The following CIT variants were observed in gnomAD, a reference collection of about 807,000 sequenced individuals.
The protein encoded by CIT is citron rho-interacting serine/threonine kinase.
Under a neutral mutation model 272.7 loss-of-function variants are expected in CIT, and 79 were observed. The observed-to-expected ratio is 0.29, with a 90% confidence interval of 0.24 to 0.35. The LOEUF (loss-of-function observed/expected upper bound fraction) is 0.35, where lower values mean the gene tolerates loss of function less well. Ranked by LOEUF, CIT falls within the 10% of genes least tolerant of loss-of-function variation. CIT has a pLI of 1.00. For missense variants in CIT, 1,909 were observed against 2,618.3 expected (o/e 0.73, Z 5.91); for synonymous variants, 948 against 995.6 (o/e 0.95, Z 0.90).
chr12:119,736,213 A>T lies in CIT; in HGVS notation c.2959-856T>A, dbSNP rs377674290. Among the ~76,000 whole-genome samples the T allele has an allele frequency of 1.8e-4, 27 of 152,302 alleles. No homozygotes were observed. In the South Asian group the frequency reaches 5.4e-3, roughly 30 times the overall value. On this transcript the variant is annotated intron_variant, in intron 24 of 47. Coordinates refer to ENST00000392521, the MANE Select transcript of CIT (RefSeq NM_001206999.2). ...TCTAATAATAGTTGGACTGAGGCAC[A>T]CAGGCAGTAAATTAAATTTTACGTA...
At position 119,686,036 on chromosome 12, in the gene CIT, T is replaced by C. The variant is rs560793850; in HGVS notation, c.*2196A>G. On this transcript the variant is annotated 3_prime_UTR_variant, in exon 48 of 48. Transcript: ENST00000392521. ...TCACACGGAGCTCCCCACCCTCCAG[T>C]GAAGATGGCTGTCCACAACTACCAC... 40 of 152,634 alleles carry C rather than the reference T, an allele frequency of 2.6e-4. No homozygotes were observed. The highest frequency in any genetic ancestry group is 9.4e-4 in the African/African-American group (39 of 41,530). The allele number at this position is 152,634 out of a possible 1,614,324, so 9.5% of individuals were successfully genotyped here.
intron 24 of CIT, among the ~76,000 whole-genome samples, chr12:119,739,237 A>C (rs776518548): frequency 1.8e-4 from 28 of 152,156 alleles, no homozygotes; most frequent in Non-Finnish European, 3.8e-4. Context: ...TTGCCCACCA[A>C]CTCCCCTCTA....
At chr12:119,861,301 G>C (rs1950329355) in intron 3 of CIT, among the ~76,000 whole-genome samples, 1 of 151,068 alleles carries the variant, frequency 6.6e-6, no homozygotes, top group South Asian at 2.1e-4. Context: ...AATGCAGTCA[G>C]AGGGCCAGGC....
At chr12:119,874,921 C>A (rs565717726) in intron 2 of CIT, among the ~76,000 whole-genome samples, 2 of 151,810 alleles carry the variant, frequency 1.3e-5, no homozygotes, top group East Asian at 3.9e-4. Flanking sequence ...AAATAAACAT[C>A]CCTGCAATGA....
chr12:119,735,064 G>A (rs1381153513), intron 25 of CIT, 96 bp downstream of exon 25: 23 of 1,112,914 alleles, frequency 2.1e-5, no homozygotes, highest in Non-Finnish European at 2.9e-5. Context: ...ACTGTATGAG[G>A]TTCAGTGTTG....
At chr12:119,827,544 T>C (rs1968272511) in intron 7 of CIT, among the ~76,000 whole-genome samples, 1 of 152,000 alleles carries the variant, frequency 6.6e-6, no homozygotes, top group African/African-American at 2.4e-5. Flanking sequence ...TTCAAGCAAT[T>C]CTCTTGCCTC....
chr12:119,812,026 A>T (rs2137952971), intron 9 of CIT, among the ~76,000 whole-genome samples: 1 of 150,356 alleles, frequency 6.7e-6, no homozygotes, highest in South Asian at 2.1e-4. Context: ...GCTCACTGCA[A>T]CCTCCACCTC....
intron 3 of CIT, among the ~76,000 whole-genome samples, chr12:119,867,554 TG>T: frequency 6.6e-6 from 1 of 152,192 alleles, no homozygotes; most frequent in South Asian, 2.1e-4. Flanking sequence ...TTGTACAAGG[TG>T]GGGTTTCTCA....
Position 119,850,263 on chromosome 12 carries a change from C to A in CIT, c.427G>T (p.Glu143Ter), listed in dbSNP as rs754380506. The A allele has an allele frequency of 1.9e-5, 31 of 1,606,814 alleles. No individual in the cohort carries two copies. The highest frequency in any genetic ancestry group is 2.3e-5 in the Non-Finnish European group (27 of 1,176,282). Residue 143 changes from glutamate to a stop codon, truncating the protein, a stop_gained, in exon 5 of 48, where the codon GAG (glutamate) becomes TAG (stop). Coordinates refer to ENST00000392521, the MANE Select transcript of CIT (RefSeq NM_001206999.2). LOFTEE classifies it high-confidence loss of function. The stretch of plus-strand genomic sequence containing the variant: ...CGAGATAATATGTTCCGCTCTTCCT[C>A]AAAAAATGAAACCTAGGGAAAAAAG... ...LLAQEQVSFFEEERNILSRST... is the reference protein window; with the variant it reads ...LLAQEQVSFF
In CIT at chr12:119,690,248, G is replaced by A. The variant is rs775854025; in HGVS notation, c.6089C>T (p.Thr2030Met). 50 of 1,567,222 alleles carry A rather than the reference G, an allele frequency of 3.2e-5. No individual in the cohort carries two copies. The highest frequency in any genetic ancestry group is 4.2e-5 in the Non-Finnish European group (49 of 1,167,314). ...CCTCCCGGGGGACCGCTCTCTCCGC[G>A]TGCTGAGCATCCGGCCGGGGGACTT... ...REKSPGRMLS[T>M]RRERSPGRLF... is the part of the protein sequence containing the mutation. The change falls in exon 47 of 48, where the codon ACG (threonine) becomes ATG (methionine). Residue 2030 changes from threonine (T) to methionine (M), a missense_variant. Thr to Met is a moderately conservative substitution (Grantham distance 81). This residue lies in a region of CIT where 780 missense variants were observed against 1,067.2 expected (regional missense o/e 0.73). Coordinates refer to ENST00000392521, the MANE Select transcript of CIT (RefSeq NM_001206999.2). This position sits in a 1 kb window ranked among gnomAD's most constrained non-coding sequence, Gnocchi z 6.0.
In CIT at chr12:119,752,108, G is replaced by A. The variant is rs746038221; in HGVS notation, c.2846C>T (p.Ala949Val). 39 of 1,612,972 alleles carry A rather than the reference G, an allele frequency of 2.4e-5. No homozygotes were observed. Among genetic ancestry groups the A allele is most frequent in the Non-Finnish European group, 3.0e-5 (35 of 1,180,000 alleles). The change falls in exon 23 of 48, where the codon GCG becomes GTG. Residue 949 changes from alanine (A) to valine (V), a missense_variant. By Grantham distance (64) the Ala-to-Val change is moderately conservative (BLOSUM62 0). Coordinates refer to ENST00000392521, the MANE Select transcript of CIT (RefSeq NM_001206999.2). ...TGTGGTCTCTTCCAGCTCTGTCTTC[G>A]CCTGGCGAAGCTGGCTCTCCAGGGC... is the stretch of plus-strand genomic sequence containing the variant. ...RAALESQLRQ[A>V]KTELEETTAE... is the part of the protein sequence containing the mutation.
chr12:119,873,851 C>T (rs760353776), intron 2 of CIT, among the ~76,000 whole-genome samples: 35 of 151,830 alleles, frequency 2.3e-4, no homozygotes, highest in Non-Finnish European at 4.9e-4. Flanking sequence ...ACTACCTTCC[C>T]AAATATAATT....
intron 37 of CIT, among the ~76,000 whole-genome samples, chr12:119,711,568 T>C (rs1223528778): frequency 6.6e-6 from 1 of 152,158 alleles, no homozygotes; most frequent in Admixed American, 6.5e-5. Context: ...GGAGAGAGGA[T>C]TTCCTTATAA....
At position 119,690,066 on chromosome 12, in the gene CIT, C is replaced by T; in HGVS notation, c.6186+85G>A. 1 of 1,287,700 alleles carries T rather than the reference C, an allele frequency of 7.8e-7. No homozygotes were observed. The highest frequency in any genetic ancestry group is 1.0e-6 in the Non-Finnish European group (1 of 994,272). 79.8% of individuals were successfully genotyped at this position (1,287,700 alleles called of 1,614,324 possible). On this transcript the variant is annotated intron_variant, in intron 47 of 47. Coordinates refer to ENST00000392521, the MANE Select transcript of CIT (RefSeq NM_001206999.2). This position sits in a 1 kb window ranked among gnomAD's most constrained non-coding sequence, Gnocchi z 6.0. ...ACAGTCATGGAGTTCCTTTTTTAAA[C>T]AACAGTGGCCCCGTGGGGGCCTCAG...
At chr12:119,708,714 T>G (rs1468006397) in intron 39 of CIT, among the ~76,000 whole-genome samples, 2 of 152,074 alleles carry the variant, frequency 1.3e-5, no homozygotes, top group Non-Finnish European at 2.9e-5. Context: ...GGTCTCAAAC[T>G]CCTGACCTTG....
intron 9 of CIT, among the ~76,000 whole-genome samples, chr12:119,812,261 T>C (rs1458008664): frequency 6.6e-6 from 1 of 151,968 alleles, no homozygotes; most frequent in Admixed American, 6.6e-5. Flanking sequence ...CCAGGACACA[T>C]TTAAGTAATA....
chr12:119,713,277 T>A lies in CIT; in HGVS notation c.4505A>T (p.Gln1502Leu). ...MKVPRNNKRG[Q>L]QGWDRKYIVL... ...AATGTACTTCCTGTCCCAGCCTTGC[T>A]GTCCTCGTTTGTTATTCCTGGGGAA... Residue 1502 changes from glutamine (Q) to leucine (L), a missense_variant, in exon 35 of 48, where the codon CAG becomes CTG. By Grantham distance (113) the Gln-to-Leu change is moderately radical. Coordinates refer to ENST00000392521, the MANE Select transcript of CIT (RefSeq NM_001206999.2). This position sits in a 1 kb window ranked among gnomAD's most constrained non-coding sequence, Gnocchi z 5.2. The A allele has an allele frequency of 6.2e-7, 1 of 1,614,086 alleles. No individual in the cohort carries two copies. Among genetic ancestry groups the A allele is most frequent in the Non-Finnish European group, 8.5e-7 (1 of 1,179,948 alleles).
chr12:119,685,848 C>G lies in CIT; in HGVS notation c.*2384G>C, dbSNP rs1955555688. ...GTTCAACAACAAAGTTCATTCCTCT[C>G]AAGGTGGATCTTGAATCATTCCTTG... On this transcript the variant is annotated 3_prime_UTR_variant, in exon 48 of 48. Coordinates refer to ENST00000392521, the MANE Select transcript of CIT (RefSeq NM_001206999.2). 6.6e-6 allele frequency: 1 copy of G among 152,474 alleles called. No individual in the cohort carries two copies. The highest frequency in any genetic ancestry group is 1.5e-5 in the Non-Finnish European group (1 of 68,042). 9.4% of individuals were successfully genotyped at this position (152,474 alleles called of 1,614,324 possible). A position where few individuals can be genotyped will look rare whatever the true frequency, so the allele number is the denominator to read the frequency against.
intron 37 of CIT, chr12:119,711,092 G>C: frequency 7.3e-7 from 1 of 1,366,686 alleles, no homozygotes; most frequent in Non-Finnish European, 9.8e-7. Flanking sequence ...ACAGTCGCGG[G>C]CCTATTGTAC....
Sources: gnomAD v4.1 joint callset for allele counts (sites outside exome capture counted in the v4.1 genomes callset) on GRCh38, gnomAD v4.1.1 for gene constraint, gnomAD v4.1.1 regional missense constraint, Gnocchi (gnomAD v3.1) non-coding constraint, MANE v1.5 for transcripts, NCBI Gene and HGNC (gene_info 2026-07-23, HGNC 2026-07-21) for gene names.